The following SMYD3 variants were observed in gnomAD, a reference collection of about 807,000 sequenced individuals.
The protein encoded by SMYD3 is SET and MYND domain containing 3.
SMYD3 carries 36 observed loss-of-function variants against 57.7 expected under a neutral mutation model. The ratio of observed to expected loss-of-function variants is 0.62; its 90% CI spans 0.48 to 0.82. The LOEUF is 0.82. Among genes scored for constraint, SMYD3 ranks in the 40% least tolerant of loss-of-function variants. The pLI, the probability that SMYD3 is intolerant of heterozygous loss-of-function variation, is 0.00. For synonymous variants in SMYD3, 211 were observed against 195.0 expected (o/e 1.08, Z -0.68); for missense variants, 515 against 538.8 (o/e 0.96, Z 0.44).
At chr1:246,049,648 C>T (rs2060034477) in intron 5 of SMYD3, among the ~76,000 whole-genome samples, 1 of 152,194 alleles carries the variant, frequency 6.6e-6, no homozygotes, top group South Asian at 2.1e-4. Flanking sequence ...ATGTATTTAA[C>T]AGACGTCAAC....
In SMYD3 at chr1:245,771,400, TTTTAC is replaced by T. The variant is rs545520834; in HGVS notation, c.1077-7256_1077-7252del. On this transcript the variant is annotated intron_variant, in intron 10 of 11. Transcript: ENST00000490107. Reference sequence around the variant, plus strand: ...AAATTTTCATAATCAGGGCACTGGATTTTACTTTTTCACTTTTAGAAATGATGGAC... The same window carrying T: ...AAATTTTCATAATCAGGGCACTGGATTTTTTCACTTTTAGAAATGATGGAC... 4.0e-3 allele frequency among the ~76,000 whole-genome samples: 606 copies of T among 152,350 alleles called. 3 individuals are homozygous for T. Among genetic ancestry groups the T allele is most frequent in the African/African-American group, 0.014 (583 of 41,578 alleles).
chr1:245,925,766 T>A (rs1240502125), intron 7 of SMYD3, among the ~76,000 whole-genome samples: 3 of 152,156 alleles, frequency 2.0e-5, no homozygotes, highest in Admixed American at 2.0e-4. Context: ...TCTGTCCTCA[T>A]AAAGCTCTAA....
At chr1:246,283,247 G>C (rs1349305067) in intron 5 of SMYD3, among the ~76,000 whole-genome samples, 1 of 152,226 alleles carries the variant, frequency 6.6e-6, no homozygotes, top group East Asian at 1.9e-4. Context: ...TCCTAAGCCA[G>C]AGATAATAAC....
chr1:246,167,671 T>C lies in SMYD3; in HGVS notation c.531+159530A>G, dbSNP rs184568372. ...GATTATAGGCACACCCCACCAGGCC[T>C]GGCTAATTTTTGTATTTTTAGGAGA... On this transcript the variant is annotated intron_variant, in intron 5 of 11. Transcript: ENST00000490107. 1.4e-3 allele frequency among the ~76,000 whole-genome samples: 213 copies of C among 152,052 alleles called. 1 individual carries two copies. Among genetic ancestry groups the C allele is most frequent in the African/African-American group, 4.7e-3 (195 of 41,508 alleles).
At chr1:245,822,089 C>T (rs2049192298) in intron 10 of SMYD3, among the ~76,000 whole-genome samples, 1 of 152,100 alleles carries the variant, frequency 6.6e-6, no homozygotes, top group Non-Finnish European at 1.5e-5. Flanking sequence ...TATAAAGACA[C>T]ATGCACACGT....
intron 5 of SMYD3, among the ~76,000 whole-genome samples, chr1:245,966,350 G>A (rs9287202): frequency 0.27 from 40,687 of 151,812 alleles, 5,931 homozygotes; most frequent in East Asian, 0.51. Flanking sequence ...CAGTTTCTTC[G>A]TAGAGATGAG....
chr1:246,194,329 G>A (rs2062794891), intron 5 of SMYD3, among the ~76,000 whole-genome samples: 1 of 150,772 alleles, frequency 6.6e-6, no homozygotes, highest in Non-Finnish European at 1.5e-5. Context: ...GTGCAGTAGT[G>A]CGATCTCAGC....
chr1:246,502,571 C>T (rs2068473503), intron 1 of SMYD3, among the ~76,000 whole-genome samples: 1 of 152,188 alleles, frequency 6.6e-6, no homozygotes, highest in Admixed American at 6.5e-5. Context: ...ATCTCAATCT[C>T]TTCCAGTTAA....
chr1:246,086,385 A>G (rs1052867333), intron 5 of SMYD3, among the ~76,000 whole-genome samples: 3 of 152,146 alleles, frequency 2.0e-5, no homozygotes, highest in Non-Finnish European at 4.4e-5. Context: ...GTATCTGTGC[A>G]TGAGTCAGTC....
chr1:245,830,221 C>T (rs1480368588), intron 10 of SMYD3, among the ~76,000 whole-genome samples: 3 of 152,136 alleles, frequency 2.0e-5, no homozygotes, highest in Non-Finnish European at 4.4e-5. Context: ...AAAGACATAC[C>T]TGAGACTGGG....
chr1:246,009,201 C>T lies in SMYD3; in HGVS notation c.532-79264G>A, dbSNP rs188761108. ...TACTTTAATATAGCATCCTTCAAGG[C>T]GCTCACAATGCTGCAGACTGTAGGA... On this transcript the variant is annotated intron_variant, in intron 5 of 11. Coordinates refer to ENST00000490107, the MANE Select transcript of SMYD3 (RefSeq NM_001167740.2). Among the ~76,000 whole-genome samples the T allele has an allele frequency of 8.5e-5, 13 of 152,252 alleles. No individual in the cohort carries two copies. The East Asian group carries it at 1.7e-3, about 20-fold the overall frequency.
intron 5 of SMYD3, among the ~76,000 whole-genome samples, chr1:245,940,744 C>T (rs1256923613): frequency 6.6e-6 from 1 of 152,150 alleles, no homozygotes; most frequent in Non-Finnish European, 1.5e-5. Context: ...CTCAAAAAGC[C>T]ATAGTGCCTC....
chr1:245,797,523 T>G (rs2148216345), intron 10 of SMYD3, among the ~76,000 whole-genome samples: 1 of 51,826 alleles, frequency 1.9e-5, no homozygotes. Context: ...CTGGGGCCTG[T>G]GGTGGGGTGG....
At chr1:246,152,370 G>A (rs1337616614) in intron 5 of SMYD3, among the ~76,000 whole-genome samples, 1 of 152,194 alleles carries the variant, frequency 6.6e-6, no homozygotes, top group African/African-American at 2.4e-5. Context: ...GCTTGTCATT[G>A]GCTATGTGAA....
At chr1:245,868,744 C>A (rs1199614297) in intron 8 of SMYD3, among the ~76,000 whole-genome samples, 1 of 152,144 alleles carries the variant, frequency 6.6e-6, no homozygotes, top group African/African-American at 2.4e-5. Context: ...CTGGAGTGTT[C>A]CACTACGGTA....
intron 1 of SMYD3, among the ~76,000 whole-genome samples, chr1:246,472,744 C>CA (rs570101978): frequency 6.7e-6 from 1 of 150,124 alleles, no homozygotes; most frequent in African/African-American, 2.4e-5. Context: ...ATCCTGTCTC[C>CA]AAAAAAAAGT....
At chr1:245,929,774 C>T (rs929161429) in intron 6 of SMYD3, 96 bp downstream of exon 6, 3 of 940,030 alleles carry the variant, frequency 3.2e-6, no homozygotes, top group Non-Finnish European at 5.2e-6. Context: ...CTTGAACAAG[C>T]TGCAGCAACT....
intron 5 of SMYD3, among the ~76,000 whole-genome samples, chr1:246,101,566 T>C (rs959644342): frequency 2.0e-5 from 3 of 152,240 alleles, no homozygotes; most frequent in Admixed American, 1.3e-4. Context: ...TTTAATACTT[T>C]AAAAAATATG....
intron 4 of SMYD3, among the ~76,000 whole-genome samples, chr1:246,328,274 A>C (rs1258254841): frequency 2.0e-5 from 3 of 152,154 alleles, no homozygotes; most frequent in African/African-American, 4.8e-5. Flanking sequence ...AAGAAGAAGA[A>C]AAGTTCTAAC....
Sources: gnomAD v4.1 joint callset for allele counts (sites outside exome capture counted in the v4.1 genomes callset) on GRCh38, gnomAD v4.1.1 for gene constraint, MANE v1.5 for transcripts, NCBI Gene and HGNC (gene_info 2026-07-23, HGNC 2026-07-21) for gene names.